Variants in SPAG16 observed in about 807,000 individuals in gnomAD.
SPAG16 encodes the protein sperm associated antigen 16.
Under a neutral mutation model 80.4 loss-of-function variants are expected in SPAG16, and 86 were observed. That is an observed-to-expected ratio of 1.07 (90% CI 0.90 to 1.28). The LOEUF is 1.28. Among genes scored for constraint, SPAG16 ranks in the 50% most tolerant of loss-of-function variants. The probability of loss-of-function intolerance (pLI) is 0.00; values close to 1 mark genes in which losing one functional copy is unlikely to be tolerated. For synonymous variants in SPAG16, 294 were observed against 265.9 expected, an observed-to-expected ratio of 1.11 and a Z score of -1.03; for missense variants, 870 against 765.3, an observed-to-expected ratio of 1.14 and a Z score of -1.61.
intron 15 of SPAG16, among the ~76,000 whole-genome samples, chr2:214,199,053 G>C (rs147787071): frequency 1.3e-5 from 2 of 152,026 alleles, no homozygotes; most frequent in African/African-American, 4.8e-5. Context: ...TCTCTCAGCT[G>C]CCTGTTTATT....
chr2:213,983,132 G>A (rs2045844960), intron 12 of SPAG16, among the ~76,000 whole-genome samples: 2 of 151,724 alleles, frequency 1.3e-5, no homozygotes, highest in East Asian at 3.9e-4. Context: ...TTTTAATAAA[G>A]GGATAAGATT....
intron 10 of SPAG16, among the ~76,000 whole-genome samples, chr2:213,715,511 C>T (rs1252467835): frequency 6.6e-6 from 1 of 152,068 alleles, no homozygotes; most frequent in Non-Finnish European, 1.5e-5. Context: ...GTGTGTATAT[C>T]CTGGGGAAGG....
At chr2:214,152,780 C>T (rs1470400140) in intron 15 of SPAG16, among the ~76,000 whole-genome samples, 7 of 152,118 alleles carry the variant, frequency 4.6e-5, no homozygotes, top group East Asian at 1.9e-4. Context: ...ACGTGGGTCA[C>T]GTGTCCACTG....
chr2:213,956,526 C>T (rs890623635), intron 12 of SPAG16, among the ~76,000 whole-genome samples: 1 of 148,350 alleles, frequency 6.7e-6, no homozygotes, highest in Admixed American at 6.8e-5. Flanking sequence ...CGGCTCACTG[C>T]AACCGCCGCC....
intron 4 of SPAG16, among the ~76,000 whole-genome samples, chr2:213,314,253 T>C (rs1012720669): frequency 2.0e-5 from 3 of 151,930 alleles, no homozygotes; most frequent in African/African-American, 7.2e-5. Flanking sequence ...AGTGATAATT[T>C]TATTGGCAAT....
chr2:214,166,215 A>G (rs2056648941), intron 15 of SPAG16, among the ~76,000 whole-genome samples: 1 of 152,176 alleles, frequency 6.6e-6, no homozygotes, highest in African/African-American at 2.4e-5. Flanking sequence ...AGAGAGGTAT[A>G]TAGACAGGAT....
At chr2:213,718,309 G>C (rs1425087290) in intron 10 of SPAG16, among the ~76,000 whole-genome samples, 1 of 151,960 alleles carries the variant, frequency 6.6e-6, no homozygotes, top group Non-Finnish European at 1.5e-5. Context: ...ATGAGATACT[G>C]AGAGGTGACA....
chr2:213,763,895 G>A (rs1287824277), intron 10 of SPAG16, among the ~76,000 whole-genome samples: 1 of 152,186 alleles, frequency 6.6e-6, no homozygotes, highest in Non-Finnish European at 1.5e-5. Flanking sequence ...CTTTGAAGCA[G>A]CAGCTTTTAA....
intron 9 of SPAG16, among the ~76,000 whole-genome samples, chr2:213,465,242 A>C (rs530491769): frequency 8.5e-5 from 13 of 152,322 alleles, no homozygotes; most frequent in African/African-American, 2.6e-4. Flanking sequence ...TAGAATCAGT[A>C]TAAATGTTAA....
intron 10 of SPAG16, among the ~76,000 whole-genome samples, chr2:213,637,232 T>A (rs1187902031): frequency 6.6e-6 from 1 of 152,246 alleles, no homozygotes; most frequent in African/African-American, 2.4e-5. Context: ...TTGTTTTAAA[T>A]TCTGTTTATA....
chr2:214,089,888 A>G (rs908394198), intron 13 of SPAG16, among the ~76,000 whole-genome samples: 1 of 152,108 alleles, frequency 6.6e-6, no homozygotes, highest in Non-Finnish European at 1.5e-5. Flanking sequence ...TTTACTAAAT[A>G]TCAACTTCTC....
chr2:214,019,278 C>CTTT (rs10627865), intron 13 of SPAG16, among the ~76,000 whole-genome samples: 1,720 of 150,948 alleles, frequency 0.011, 34 homozygotes, highest in African/African-American at 0.039. Context: ...AATATTAAGG[C>CTTT]TTTTTTTTTA....
At chr2:214,374,864 G>T (rs1700037132) in intron 15 of SPAG16, among the ~76,000 whole-genome samples, 1 of 152,180 alleles carries the variant, frequency 6.6e-6, no homozygotes, top group Non-Finnish European at 1.5e-5. Flanking sequence ...AGAGGGCACT[G>T]TGTCTTTTAT....
At chr2:214,385,640 T>A (rs900567548) in intron 15 of SPAG16, among the ~76,000 whole-genome samples, 18 of 152,312 alleles carry the variant, frequency 1.2e-4, no homozygotes, top group Middle Eastern at 3.4e-3. Flanking sequence ...CGTCAGGAGT[T>A]CAAGACCAGC....
chr2:213,620,436 G>A (rs2061738071), intron 10 of SPAG16, among the ~76,000 whole-genome samples: 1 of 151,688 alleles, frequency 6.6e-6, no homozygotes, highest in Non-Finnish European at 1.5e-5. Flanking sequence ...GGGACTACAG[G>A]CACCCGCCAC....
In SPAG16 at chr2:213,564,679, C is replaced by T. The variant is rs528917110; in HGVS notation, c.1070+74589C>T. ...TAGTTGTTGATGTAAAAACCACCACCGCCTCCTAACATTTATTGAACATGT... is the reference window on the plus strand; with the variant it reads ...TAGTTGTTGATGTAAAAACCACCACTGCCTCCTAACATTTATTGAACATGT... On this transcript the variant is annotated intron_variant, in intron 10 of 15. Coordinates refer to ENST00000331683, the MANE Select transcript of SPAG16 (RefSeq NM_024532.5). Among the ~76,000 whole-genome samples, 13 of 152,158 alleles carry T rather than the reference C, an allele frequency of 8.5e-5. 1 individual carries two copies. In the South Asian group the frequency reaches 1.7e-3, roughly 19 times the overall value.
chr2:213,606,618 T>C lies in SPAG16; in HGVS notation c.1070+116528T>C, dbSNP rs111474471. Among the ~76,000 whole-genome samples the C allele has an allele frequency of 1.5e-3, 236 of 152,368 alleles. 3 individuals carry two copies. Among genetic ancestry groups the C allele is most frequent in the African/African-American group, 4.6e-3 (192 of 41,586 alleles). On this transcript the variant is annotated intron_variant, in intron 10 of 15. Coordinates refer to ENST00000331683, the MANE Select transcript of SPAG16 (RefSeq NM_024532.5). ...TTGGTGCAGTTACCAAATATCCACC[T>C]GATCCTAGTGATTAATTTGCAGCTA...
intron 10 of SPAG16, among the ~76,000 whole-genome samples, chr2:213,855,038 G>A (rs555354769): frequency 3.3e-5 from 5 of 152,280 alleles, no homozygotes; most frequent in South Asian, 4.1e-4. Context: ...TTCAGAAAAC[G>A]TTTGCCAACC....
At chr2:214,109,054 C>A (rs1336593652) in intron 14 of SPAG16, among the ~76,000 whole-genome samples, 5 of 152,108 alleles carry the variant, frequency 3.3e-5, no homozygotes, top group African/African-American at 1.2e-4. Context: ...GTTGAAGCTG[C>A]AAGTTCAGTC....
Sources: allele counts gnomAD v4.1 joint callset (sites outside exome capture counted in the v4.1 genomes callset), GRCh38; gene constraint gnomAD v4.1.1; transcripts MANE v1.5; gene names NCBI Gene and HGNC (gene_info 2026-07-23, HGNC 2026-07-21).